The following WDFY1 variants were observed in gnomAD, a reference collection of about 807,000 sequenced individuals.
WDFY1 encodes the protein WD repeat and FYVE domain containing 1, also known as WD repeat and FYVE domain-containing protein 1.
A neutral mutation model predicts 56.4 loss-of-function variants in WDFY1; 32 were observed. That is an observed-to-expected ratio of 0.57 (90% CI 0.43 to 0.76). The LOEUF (loss-of-function observed/expected upper bound fraction) is 0.76, where lower values mean the gene tolerates loss of function less well. Among genes scored for constraint, WDFY1 ranks in the 30% least tolerant of loss-of-function variants. The pLI is 0.00. For missense variants in WDFY1, 480 were observed against 545.7 expected (o/e 0.88, Z 1.20); for synonymous variants, 192 against 197.3 (o/e 0.97, Z 0.23).
Position 223,882,465 on chromosome 2 carries a change from G to A in WDFY1, c.934-393C>T, listed in dbSNP as rs188347596. Among the ~76,000 whole-genome samples, 59 of 152,220 alleles carry A rather than the reference G, an allele frequency of 3.9e-4. No individual in the cohort carries two copies. The East Asian group carries it at 5.8e-3, about 15-fold the overall frequency. On this transcript the variant is annotated intron_variant, in intron 9 of 11. Transcript: ENST00000233055. ...CCCTCTAAAGTAGGGCAACAGGAGCGGGGAGGATATGCCTTGAATTGCAAT... is the reference window on the plus strand; with the variant it reads ...CCCTCTAAAGTAGGGCAACAGGAGCAGGGAGGATATGCCTTGAATTGCAAT...
intron 3 of WDFY1, 120 bp from the exon 4 acceptor site, chr2:223,906,121 A>C (rs994311921): frequency 1.4e-6 from 1 of 714,746 alleles, no homozygotes; most frequent in African/African-American, 1.8e-5. Context: ...CTAGGACTTA[A>C]GGCGAGTTAT....
rs548686969 is a variant in WDFY1 at position 223,886,118 on chromosome 2, T to C, written c.832-1369A>G. Among the ~76,000 whole-genome samples the C allele has an allele frequency of 1.5e-4, 23 of 150,648 alleles. No homozygotes were observed. In the East Asian group the frequency reaches 4.4e-3, roughly 29 times the overall value. ...CAGCACTTTGGGAGGCCGAGGCAGA[T>C]GGATCACCTGAGGTCAGGAGTTCAA... is the stretch of plus-strand genomic sequence containing the variant. On this transcript the variant is annotated intron_variant, in intron 8 of 11. Transcript: ENST00000233055.
intron 4 of WDFY1, among the ~76,000 whole-genome samples, chr2:223,903,027 C>T (rs1318280372): frequency 6.6e-6 from 1 of 152,050 alleles, no homozygotes; most frequent in East Asian, 1.9e-4. Flanking sequence ...GATATCCTTT[C>T]TTTTATGAAA....
At chr2:223,923,162 C>A (rs1186010790) in intron 1 of WDFY1, among the ~76,000 whole-genome samples, 1 of 152,192 alleles carries the variant, frequency 6.6e-6, no homozygotes, top group Non-Finnish European at 1.5e-5. Context: ...TCCCTTCCAT[C>A]TCTTTTCAAA....
intron 8 of WDFY1, among the ~76,000 whole-genome samples, chr2:223,892,539 C>G (rs1384623757): frequency 6.6e-6 from 1 of 151,828 alleles, no homozygotes; most frequent in Non-Finnish European, 1.5e-5. Context: ...TCTTTGTGTA[C>G]AGTAGCCATA....
At chr2:223,928,438 C>T (rs1694019951) in intron 1 of WDFY1, among the ~76,000 whole-genome samples, 1 of 152,166 alleles carries the variant, frequency 6.6e-6, no homozygotes, top group African/African-American at 2.4e-5. Flanking sequence ...TCCTGGGCTC[C>T]TTGTGAGAAC....
chr2:223,895,509 G>A lies in WDFY1; in HGVS notation c.720C>T (p.Gly240=), dbSNP rs1693349998. ...CCCCACAAGTGGTCACGCACTGATG[G>A]CCCTGAAGTAACAGCGTCCGGCCTT... is the stretch of plus-strand genomic sequence containing the variant. ...GRKGRTLLLQ[G]HHDKVQSLCY... The change falls in exon 7 of 12, where the codon GGC becomes GGT. Residue 240 remains glycine (G), a synonymous_variant. Transcript: ENST00000233055. 5.0e-6 allele frequency: 8 copies of A among 1,613,778 alleles called. No individual in the cohort carries two copies. The highest frequency in any genetic ancestry group is 5.9e-6 in the Non-Finnish European group (7 of 1,179,892).
At chr2:223,881,348 C>T (rs1357182277) in intron 10 of WDFY1, among the ~76,000 whole-genome samples, 5 of 152,154 alleles carry the variant, frequency 3.3e-5, no homozygotes, top group African/African-American at 1.2e-4. Context: ...CAGTGGGATG[C>T]AGAGGCTCAG....
chr2:223,933,982 G>T (rs377616750), intron 1 of WDFY1, among the ~76,000 whole-genome samples: 1 of 50,056 alleles, frequency 2.0e-5, no homozygotes, highest in Admixed American at 1.8e-4. Flanking sequence ...AAAAAAAAAA[G>T]TCTCGAACCC....
intron 1 of WDFY1, among the ~76,000 whole-genome samples, chr2:223,941,370 C>A (rs1453494159): frequency 3.3e-5 from 5 of 152,164 alleles, no homozygotes; most frequent in African/African-American, 1.2e-4. Flanking sequence ...GCTCTGGTCA[C>A]TTAGAAATAG....
At chr2:223,919,935 G>A (rs1247697153) in intron 1 of WDFY1, among the ~76,000 whole-genome samples, 3 of 152,054 alleles carry the variant, frequency 2.0e-5, no homozygotes, top group Non-Finnish European at 4.4e-5. Context: ...CACTCTCCTC[G>A]ACACAGTGCC....
At chr2:223,920,462 C>A (rs1421740709) in intron 1 of WDFY1, among the ~76,000 whole-genome samples, 1 of 152,222 alleles carries the variant, frequency 6.6e-6, no homozygotes, top group African/African-American at 2.4e-5. Flanking sequence ...GAAATATTTA[C>A]ATGGAAAGAT....
chr2:223,895,636 G>C lies in WDFY1; in HGVS notation c.599-6C>G, dbSNP rs369195304. 3 of 1,613,544 alleles carry C rather than the reference G, an allele frequency of 1.9e-6. No homozygotes were observed. The African/African-American group carries it at 4.0e-5, about 22-fold the overall frequency. The stretch of plus-strand genomic sequence containing the variant: ...CCAGAGGCAGGCGACACTACCTAGG[G>C]ATTTGTGAGAGAGAGAGAGAGAGGG... On this transcript the variant is annotated splice_polypyrimidine_tract_variant and splice_region_variant and intron_variant, in intron 6 of 11. Coordinates refer to ENST00000233055, the MANE Select transcript of WDFY1 (RefSeq NM_020830.5).
At position 223,912,319 on chromosome 2, in the gene WDFY1, G is replaced by A. The variant is rs377147904; in HGVS notation, c.213C>T (p.Cys71=). The change falls in exon 3 of 12, where the codon TGC becomes TGT. Residue 71 remains cysteine (C), a synonymous_variant. Transcript: ENST00000233055. ...TGTCATGATGGTAAGCCATAGCAGA[G>A]CAAGGAGCTGCCAGAAAGACAAAGA... ...PSIYHTMASP[C]SAMAYHHDSR... is the part of the protein sequence containing the mutation. The A allele has an allele frequency of 1.0e-5, 16 of 1,601,956 alleles. No homozygotes were observed. The highest frequency in any genetic ancestry group is 1.7e-4 in the Middle Eastern group (1 of 6,020).
At chr2:223,925,770 A>G (rs1389931096) in intron 1 of WDFY1, among the ~76,000 whole-genome samples, 1 of 152,242 alleles carries the variant, frequency 6.6e-6, no homozygotes, top group South Asian at 2.1e-4. Context: ...CATTTCAACA[A>G]TGTTCACCGC....
chr2:223,913,917 A>G (rs1693745324), intron 2 of WDFY1, among the ~76,000 whole-genome samples: 1 of 151,884 alleles, frequency 6.6e-6, no homozygotes, highest in Non-Finnish European at 1.5e-5. Context: ...TAACTGAGAT[A>G]AGCAATATAA....
chr2:223,883,074 G>A (rs1332077025), intron 9 of WDFY1, among the ~76,000 whole-genome samples: 3 of 152,050 alleles, frequency 2.0e-5, no homozygotes, highest in South Asian at 2.1e-4. Flanking sequence ...TTATAGAGAC[G>A]GGGTCTCATC....
intron 8 of WDFY1, among the ~76,000 whole-genome samples, chr2:223,887,901 T>C (rs768945796): frequency 7.9e-5 from 12 of 152,070 alleles, no homozygotes; most frequent in Non-Finnish European, 1.5e-5. Context: ...ACATAACAGA[T>C]TAAAGGGACT....
rs567360307 is a variant in WDFY1, at chr2:223,887,366, T to C, written c.832-2617A>G. The stretch of plus-strand genomic sequence containing the variant: ...ACCAAAAAGCAGCACAAAAATGTAT[T>C]CACTAAGCCATCTCCAAACAACTTC... On this transcript the variant is annotated intron_variant, in intron 8 of 11. Transcript: ENST00000233055. 2.0e-5 allele frequency among the ~76,000 whole-genome samples: 3 copies of C among 152,312 alleles called. No homozygotes were observed. The East Asian group carries it at 5.8e-4, about 29-fold the overall frequency.
Sources: allele counts gnomAD v4.1 joint callset (sites outside exome capture counted in the v4.1 genomes callset), GRCh38; gene constraint gnomAD v4.1.1; transcripts MANE v1.5; gene names NCBI Gene and HGNC (gene_info 2026-07-23, HGNC 2026-07-21).